The following MTMR10 variants were observed in gnomAD, a reference collection of about 807,000 sequenced individuals.
MTMR10 encodes the protein myotubularin-related protein 10.
Under a neutral mutation model 88.1 loss-of-function variants are expected in MTMR10, and 56 were observed. The observed-to-expected ratio is 0.64, with a 90% confidence interval of 0.51 to 0.79. The LOEUF (loss-of-function observed/expected upper bound fraction) is 0.79, where lower values mean the gene tolerates loss of function less well. Ranked by LOEUF, MTMR10 falls within the 30% of genes least tolerant of loss-of-function variation. MTMR10 has a pLI of 0.00. For missense variants in MTMR10, 883 were observed against 924.7 expected (o/e 0.95, Z 0.58); for synonymous variants, 380 against 340.9 (o/e 1.11, Z -1.26).
At chr15:30,955,306 T>C (rs1194869158) in intron 9 of MTMR10, among the ~76,000 whole-genome samples, 1 of 152,232 alleles carries the variant, frequency 6.6e-6, no homozygotes, top group Non-Finnish European at 1.5e-5. Flanking sequence ...AGTCTCATAC[T>C]GTCGCCCAGG....
At chr15:30,946,917 T>C in intron 14 of MTMR10, 1 of 633,598 alleles carries the variant, frequency 1.6e-6, no homozygotes, top group Non-Finnish European at 2.6e-6. Context: ...TACAAAACAT[T>C]TACATTAGAG....
intron 14 of MTMR10, chr15:30,946,421 C>T (rs745797663): frequency 2.1e-5 from 6 of 284,170 alleles, no homozygotes; most frequent in African/African-American, 8.7e-5. Flanking sequence ...AGCACTTTTC[C>T]CAGACCAGGG....
rs141936889 is a variant in MTMR10 at position 30,955,283 on chromosome 15, C to T, written c.936-390G>A. The stretch of plus-strand genomic sequence containing the variant: ...CAAATTAGATCATTTCCTTCTTTTT[C>T]TTTTTGAGACGGAGTCTCATACTGT... On this transcript the variant is annotated intron_variant, in intron 9 of 15. Coordinates refer to ENST00000435680, the MANE Select transcript of MTMR10 (RefSeq NM_017762.3). Among the ~76,000 whole-genome samples the T allele has an allele frequency of 1.5e-3, 223 of 152,292 alleles. 3 individuals are homozygous for T. The East Asian group carries it at 0.039, about 27-fold the overall frequency.
chr15:30,983,768 G>A (rs894614815), intron 2 of MTMR10, among the ~76,000 whole-genome samples: 1 of 152,196 alleles, frequency 6.6e-6, no homozygotes, highest in African/African-American at 2.4e-5. Context: ...GGACAAGCTG[G>A]TCACCCTAGC....
chr15:30,926,515 T>C, the MTMR10 span: 1 of 493,522 alleles, frequency 2.0e-6, no homozygotes, highest in Admixed American at 6.4e-5. Flanking sequence ...ACAAGTACTA[T>C]AGAAAGACAA....
intron 6 of MTMR10, among the ~76,000 whole-genome samples, chr15:30,963,432 C>T (rs2063430039): frequency 6.6e-6 from 1 of 151,880 alleles, no homozygotes; most frequent in Non-Finnish European, 1.5e-5. Context: ...AGATCGAGAC[C>T]ATCTTGGCTA....
At chr15:30,972,540 C>T (rs1289422531) in intron 5 of MTMR10, among the ~76,000 whole-genome samples, 2 of 152,080 alleles carry the variant, frequency 1.3e-5, no homozygotes, top group Non-Finnish European at 2.9e-5. Context: ...TAGTAAGGCC[C>T]TCTTCATGAA....
At chr15:30,951,563 G>A (rs960507899) in intron 12 of MTMR10, among the ~76,000 whole-genome samples, 8 of 151,884 alleles carry the variant, frequency 5.3e-5, no homozygotes, top group Middle Eastern at 3.4e-3. Context: ...GCAGTGGTGC[G>A]ATCTCTGCTC....
At chr15:30,926,355 G>A in the MTMR10 span, among the ~76,000 whole-genome samples, 24 of 152,308 alleles carry the variant, frequency 1.6e-4, no homozygotes, top group African/African-American at 5.3e-4. Context: ...AGTCGCTTTC[G>A]GGAACAGCCA....
intron 5 of MTMR10, among the ~76,000 whole-genome samples, chr15:30,970,745 A>G (rs1235133703): frequency 6.6e-6 from 1 of 152,170 alleles, no homozygotes; most frequent in Non-Finnish European, 1.5e-5. Flanking sequence ...TTTCAAGGCA[A>G]AACCCAACAC....
intron 2 of MTMR10, among the ~76,000 whole-genome samples, chr15:30,979,824 A>AC (rs2030435203): frequency 1.3e-5 from 2 of 152,234 alleles, no homozygotes; most frequent in Admixed American, 1.3e-4. Context: ...AGAGGAGGAG[A>AC]ATATACTTAA....
chr15:30,974,829 C>A, intron 4 of MTMR10, 102 bp downstream of exon 4: 1 of 820,170 alleles, frequency 1.2e-6, no homozygotes. Flanking sequence ...AGTAAACTTA[C>A]AGAAATAAAA....
chr15:30,940,026 A>G lies in MTMR10; in HGVS notation c.*1444T>C. On this transcript the variant is annotated 3_prime_UTR_variant, in exon 16 of 16. Transcript: ENST00000435680. ...AAAAAGAAACAGCTATTCAGTACAT[A>G]TAAAGGTAAAATACAGTTATCTTGA... The G allele has an allele frequency of 1.0e-6, 1 of 976,492 alleles. No individual in the cohort carries two copies. The highest frequency in any genetic ancestry group is 1.2e-6 in the Non-Finnish European group (1 of 821,848). The allele number at this position is 976,492 out of a possible 1,614,324, so 60.5% of individuals were successfully genotyped here.
At chr15:30,925,173 C>T in the MTMR10 span, 61 of 1,613,842 alleles carry the variant, frequency 3.8e-5, no homozygotes, top group African/African-American at 2.4e-4. Context: ...GAAGTCAGAA[C>T]GGGACACCGC....
chr15:30,989,669 G>A (rs1265415747), intron 2 of MTMR10, among the ~76,000 whole-genome samples: 7 of 150,660 alleles, frequency 4.6e-5, no homozygotes, highest in Admixed American at 4.6e-4. Context: ...TGCAAGCTCC[G>A]CCTCCCGAGT....
At chr15:30,946,935 A>G in intron 14 of MTMR10, 195 bp downstream of exon 14, 1 of 740,402 alleles carries the variant, frequency 1.4e-6, no homozygotes, top group Non-Finnish European at 2.1e-6. Context: ...GAGTAAAACA[A>G]AAAATGTTCA....
At chr15:30,948,700 T>C (rs182533204) in intron 12 of MTMR10, 35 of 564,378 alleles carry the variant, frequency 6.2e-5, no homozygotes, top group Non-Finnish European at 1.0e-4. Context: ...ATTTGCCAGA[T>C]AATAGAAGCT....
the MTMR10 span, among the ~76,000 whole-genome samples, chr15:30,929,819 T>TAAAA: frequency 6.3e-4 from 28 of 44,376 alleles, 4 homozygotes; most frequent in African/African-American, 4.4e-3. Flanking sequence ...ATATAATATA[T>TAAAA]TATATCATAT....
At chr15:30,969,230 G>A (rs2063508290) in intron 5 of MTMR10, among the ~76,000 whole-genome samples, 1 of 151,874 alleles carries the variant, frequency 6.6e-6, no homozygotes, top group Non-Finnish European at 1.5e-5. Context: ...ATACAAACAA[G>A]GGGACAGAAT....
Sources: allele counts gnomAD v4.1 joint callset (sites outside exome capture counted in the v4.1 genomes callset), GRCh38; gene constraint gnomAD v4.1.1; transcripts MANE v1.5; gene names NCBI Gene and HGNC (gene_info 2026-07-23, HGNC 2026-07-21).